CACNB2: variants seen among roughly 807,000 people sequenced by gnomAD.
CACNB2 encodes voltage-dependent L-type calcium channel subunit beta-2.
Under a neutral mutation model 73.3 loss-of-function variants are expected in CACNB2, and 42 were observed. The ratio of observed to expected loss-of-function variants is 0.57; its 90% CI spans 0.45 to 0.74. The LOEUF is 0.74. CACNB2 is among the 30% of genes least tolerant of loss of function. CACNB2 has a pLI of 0.00. For missense variants in CACNB2, 940 were observed against 853.0 expected (o/e 1.10, Z -1.27); for synonymous variants, 348 against 310.3 (o/e 1.12, Z -1.28).
intron 2 of CACNB2, among the ~76,000 whole-genome samples, chr10:18,337,510 A>AT (rs1205346972): frequency 6.6e-6 from 1 of 152,210 alleles, no homozygotes; most frequent in Non-Finnish European, 1.5e-5. Context: ...TGTATCAAAA[A>AT]TTTTTAACAG....
At chr10:18,142,993 TGA>T (rs1237964265) in intron 1 of CACNB2, among the ~76,000 whole-genome samples, 1 of 152,220 alleles carries the variant, frequency 6.6e-6, no homozygotes, top group Non-Finnish European at 1.5e-5. Flanking sequence ...CAGATATTTT[TGA>T]GAGAGTTGGT....
intron 2 of CACNB2, among the ~76,000 whole-genome samples, chr10:18,329,067 T>G (rs1211688437): frequency 6.6e-6 from 1 of 152,190 alleles, no homozygotes; most frequent in Non-Finnish European, 1.5e-5. Context: ...GGATGCATTA[T>G]TTTCTCGTTT....
At chr10:18,298,357 G>A (rs564264223) in intron 2 of CACNB2, among the ~76,000 whole-genome samples, 41 of 146,640 alleles carry the variant, frequency 2.8e-4, no homozygotes, top group Non-Finnish European at 5.1e-4. Flanking sequence ...GCGAAAGAGC[G>A]AAACTCTGTC....
chr10:18,514,132 A>G (rs2051044481), intron 6 of CACNB2, 104 bp from the exon 7 acceptor site: 1 of 1,207,276 alleles, frequency 8.3e-7, no homozygotes, highest in Non-Finnish European at 1.2e-6. Context: ...AGCACTCATG[A>G]TAGTTTTTTT....
chr10:18,500,865 C>A lies in CACNB2; in HGVS notation c.510C>A (p.Ile170=), dbSNP rs760606646. 2 of 1,613,644 alleles carry A rather than the reference C, an allele frequency of 1.2e-6. No individual in the cohort carries two copies. Among genetic ancestry groups the A allele is most frequent in the Non-Finnish European group, 1.7e-6 (2 of 1,179,732 alleles). Residue 170 remains isoleucine, a synonymous_variant, in exon 5 of 14, where the codon ATC becomes ATA. Transcript: ENST00000324631. The part of the protein sequence containing the change: ...IGRLVKEGCE[I]GFIPSPVKLE... ...GATTGGTAAAAGAAGGCTGTGAAAT[C>A]GGATTCATTCCAAGCCCAGTCAAAC...
intron 3 of CACNB2, among the ~76,000 whole-genome samples, chr10:18,405,220 G>A (rs1418422702): frequency 2.0e-5 from 3 of 152,216 alleles, no homozygotes; most frequent in East Asian, 3.9e-4. Context: ...CATTCTCATT[G>A]CCCCATAAAG....
At chr10:18,407,107 G>GTTTTTTTT (rs1293331753) in intron 3 of CACNB2, among the ~76,000 whole-genome samples, 3 of 49,594 alleles carry the variant, frequency 6.0e-5, no homozygotes, top group East Asian at 5.8e-4. Context: ...CTGCTGTTCT[G>GTTTTTTTT]TCTTTTTTTT....
At chr10:18,358,816 T>A (rs1407944532) in intron 2 of CACNB2, among the ~76,000 whole-genome samples, 1 of 152,146 alleles carries the variant, frequency 6.6e-6, no homozygotes, top group Admixed American at 6.5e-5. Context: ...TGAAAATAAA[T>A]AACTTGGTTA....
At chr10:18,336,760 A>G (rs1023189419) in intron 2 of CACNB2, among the ~76,000 whole-genome samples, 18 of 152,262 alleles carry the variant, frequency 1.2e-4, no homozygotes, top group African/African-American at 4.3e-4. Context: ...GTTAAAGTCT[A>G]TCCTCACAGA....
intron 2 of CACNB2, among the ~76,000 whole-genome samples, chr10:18,284,479 T>C (rs1252701240): frequency 6.6e-6 from 1 of 152,210 alleles, no homozygotes; most frequent in Non-Finnish European, 1.5e-5. Flanking sequence ...GTATCCTTGA[T>C]TGATAGGATA....
chr10:18,344,112 G>A (rs1340593462), intron 2 of CACNB2, among the ~76,000 whole-genome samples: 11 of 149,736 alleles, frequency 7.3e-5, no homozygotes, highest in Admixed American at 7.3e-4. Context: ...GTGTATTCCT[G>A]TATGTTATAA....
intron 2 of CACNB2, among the ~76,000 whole-genome samples, chr10:18,385,181 G>A (rs1001827355): frequency 3.3e-5 from 5 of 151,966 alleles, no homozygotes; most frequent in African/African-American, 1.2e-4. Flanking sequence ...TACTCGAGAG[G>A]CTGAGGCAGG....
rs143091903 is a variant in CACNB2 at position 18,219,698 on chromosome 10, C to T, written c.213+68723C>T. Reference sequence around the variant, plus strand: ...CTAGTCATTTTTTACACTTATAATTCCCTCAACTTCAATAGCTTCCAACTG... The same window carrying T: ...CTAGTCATTTTTTACACTTATAATTTCCTCAACTTCAATAGCTTCCAACTG... On this transcript the variant is annotated intron_variant, in intron 2 of 13. Coordinates refer to ENST00000324631, the MANE Select transcript of CACNB2 (RefSeq NM_201596.3). 5.6e-3 allele frequency among the ~76,000 whole-genome samples: 855 copies of T among 151,910 alleles called. 7 individuals are homozygous for T. Among genetic ancestry groups the T allele is most frequent in the Middle Eastern group, 0.02 (6 of 294 alleles).
At chr10:18,149,912 A>G (rs536518956) in intron 1 of CACNB2, among the ~76,000 whole-genome samples, 9 of 152,294 alleles carry the variant, frequency 5.9e-5, no homozygotes, top group African/African-American at 1.4e-4. Flanking sequence ...ACTTAATCCT[A>G]TGAGGTATTA....
At position 18,477,943 on chromosome 10, in the gene CACNB2, C is replaced by T. The variant is rs138961675; in HGVS notation, c.334-20412C>T. ...ATTGGGGTTCCAAGGTTTGTTTGTT[C>T]GTTTGTTTGAGACGGAGTTTCACTC... On this transcript the variant is annotated intron_variant, in intron 3 of 13. Transcript: ENST00000324631. Among the ~76,000 whole-genome samples the T allele has an allele frequency of 2.1e-4, 32 of 151,604 alleles. 1 individual carries two copies. In the East Asian group the frequency reaches 5.2e-3, roughly 25 times the overall value.
At chr10:18,480,222 T>A (rs1046985446) in intron 3 of CACNB2, among the ~76,000 whole-genome samples, 2 of 152,228 alleles carry the variant, frequency 1.3e-5, no homozygotes, top group Non-Finnish European at 2.9e-5. Context: ...TGTATATGCT[T>A]GACATTTTTT....
At position 18,534,126 on chromosome 10, in the gene CACNB2, C is replaced by A. The variant is rs1363371032; in HGVS notation, c.1105C>A (p.Gln369Lys). ...GATTTTTGAACTTGCAAGAACATTG[C>A]AGTTGGTGGTCCTTGACGCGGATAC... ...ERIFELARTL[Q>K]LVVLDADTIN... is the part of the protein sequence containing the mutation. Residue 369 changes from glutamine to lysine, a missense_variant, in exon 11 of 14, where the codon CAG (glutamine) becomes AAG (lysine). Coordinates refer to ENST00000324631, the MANE Select transcript of CACNB2 (RefSeq NM_201596.3). The A allele has an allele frequency of 3.1e-6, 5 of 1,613,794 alleles. No individual in the cohort carries two copies. The highest frequency in any genetic ancestry group is 4.2e-6 in the Non-Finnish European group (5 of 1,179,844).
chr10:18,254,223 G>A (rs1449638220), intron 2 of CACNB2, among the ~76,000 whole-genome samples: 1 of 152,192 alleles, frequency 6.6e-6, no homozygotes, highest in Non-Finnish European at 1.5e-5. Flanking sequence ...TCAAGTTTTT[G>A]TTGCTACATT....
Position 18,420,775 on chromosome 10 carries a change from T to A in CACNB2, c.333+18732T>A, listed in dbSNP as rs781779625. On this transcript the variant is annotated intron_variant, in intron 3 of 13. Transcript: ENST00000324631. ...CTAATTGAAGTTATTACTCTACTTATATGACCATCTTCAGTCTAGAATTTA... is the reference window on the plus strand; with the variant it reads ...CTAATTGAAGTTATTACTCTACTTAAATGACCATCTTCAGTCTAGAATTTA... Among the ~76,000 whole-genome samples the A allele has an allele frequency of 1.6e-4, 25 of 152,228 alleles. 1 individual carries two copies. Among genetic ancestry groups the A allele is most frequent in the Admixed American group, 1.6e-3 (25 of 15,286 alleles).
Sources: allele counts gnomAD v4.1 joint callset (sites outside exome capture counted in the v4.1 genomes callset), GRCh38; gene constraint gnomAD v4.1.1; transcripts MANE v1.5; gene names NCBI Gene and HGNC (gene_info 2026-07-23, HGNC 2026-07-21).